The following ANKRD30B variants were observed in gnomAD, a reference collection of about 807,000 sequenced individuals.
ANKRD30B encodes the protein ankyrin repeat domain 30B, also known as ankyrin repeat domain-containing protein 30B.
ANKRD30B carries 144 observed loss-of-function variants against 202.2 expected under a neutral mutation model. The observed-to-expected ratio is 0.71, with a 90% CI of 0.62 to 0.82. The LOEUF is 0.82. Among genes scored for constraint, ANKRD30B ranks in the 40% least tolerant of loss-of-function variants. The pLI is 0.00. For missense variants in ANKRD30B, 1,487 were observed against 1,669.1 expected, an observed-to-expected ratio of 0.89 and a Z score of 1.90; for synonymous variants, 508 against 561.3, an observed-to-expected ratio of 0.91 and a Z score of 1.34.
At chr18:14,832,541 A>T (rs1242107357) in intron 34 of ANKRD30B, among the ~76,000 whole-genome samples, 2 of 152,222 alleles carry the variant, frequency 1.3e-5, no homozygotes, top group Non-Finnish European at 2.9e-5. Flanking sequence ...ACTATGAGAT[A>T]CTGCAGGTTA....
chr18:14,856,186 A>T (rs568072789), downstream of ANKRD30B, among the ~76,000 whole-genome samples: 158 of 144,880 alleles, frequency 1.1e-3, 2 homozygotes, highest in African/African-American at 3.7e-3. Context: ...CTCACTTCCC[A>T]GATGGTGTGT....
chr18:14,793,914 G>C (rs1446764862), intron 16 of ANKRD30B, among the ~76,000 whole-genome samples: 3 of 151,744 alleles, frequency 2.0e-5, no homozygotes, highest in African/African-American at 7.3e-5. Context: ...AAAAATCATA[G>C]TGTGCATTTT....
At chr18:14,790,910 T>C (rs1053802339) in intron 15 of ANKRD30B, among the ~76,000 whole-genome samples, 9 of 152,122 alleles carry the variant, frequency 5.9e-5, no homozygotes, top group African/African-American at 2.2e-4. Context: ...CCTCATAAAA[T>C]GAGTTAGGGA....
chr18:14,867,139 G>C, the ANKRD30B span, among the ~76,000 whole-genome samples: 2 of 137,926 alleles, frequency 1.5e-5, no homozygotes, highest in East Asian at 2.7e-4. Flanking sequence ...TGGTCCGGGT[G>C]GGGGGCGGGT....
rs1969706334 is a variant in ANKRD30B at position 14,808,616 on chromosome 18, A to G, written c.2313+37A>G. The stretch of plus-strand genomic sequence containing the variant: ...TATATTTCTATGTTGAATATTAACT[A>G]CATATTTTTGAAGTATACATTATAT... On this transcript the variant is annotated intron_variant, in intron 25 of 43. Transcript: ENST00000690538. The G allele has an allele frequency of 1.9e-6, 3 of 1,572,416 alleles. 1 individual carries two copies. Among genetic ancestry groups the G allele is most frequent in the South Asian group, 2.3e-5 (2 of 87,012 alleles).
At chr18:14,888,495 T>A in the ANKRD30B span, among the ~76,000 whole-genome samples, 1 of 152,074 alleles carries the variant, frequency 6.6e-6, no homozygotes, top group South Asian at 2.1e-4. Flanking sequence ...AGTTACTAAA[T>A]CTGATTTTTG....
chr18:14,848,149 T>A (rs1158179090), intron 39 of ANKRD30B, among the ~76,000 whole-genome samples: 1 of 152,162 alleles, frequency 6.6e-6, no homozygotes, highest in Admixed American at 6.5e-5. Context: ...AGGTTTGCTT[T>A]CCACTTTTTT....
chr18:14,892,606 G>T, the ANKRD30B span, among the ~76,000 whole-genome samples: 6 of 151,966 alleles, frequency 3.9e-5, no homozygotes, highest in Non-Finnish European at 2.9e-5. Context: ...CGGGTGTGGT[G>T]GTGGGTGCCT....
At chr18:14,935,914 A>T in the ANKRD30B span, among the ~76,000 whole-genome samples, 1 of 152,358 alleles carries the variant, frequency 6.6e-6, no homozygotes, top group Admixed American at 6.5e-5. Flanking sequence ...CTGTACACAC[A>T]GCTCCTTTCC....
chr18:14,927,074 A>T, the ANKRD30B span, among the ~76,000 whole-genome samples: 1 of 152,114 alleles, frequency 6.6e-6, no homozygotes, highest in Non-Finnish European at 1.5e-5. Flanking sequence ...TTTTTACAAT[A>T]AGAAGTACTC....
At chr18:14,843,482 T>C (rs1162317065) in intron 39 of ANKRD30B, among the ~76,000 whole-genome samples, 2 of 151,826 alleles carry the variant, frequency 1.3e-5, no homozygotes, top group African/African-American at 4.8e-5. Flanking sequence ...TGTTTTAACA[T>C]TGGTTACCTC....
chr18:14,829,809 T>A (rs935990384), intron 33 of ANKRD30B, among the ~76,000 whole-genome samples: 4 of 152,174 alleles, frequency 2.6e-5, no homozygotes, highest in African/African-American at 9.6e-5. Flanking sequence ...AAATGTCCTA[T>A]TCTGTTCTTT....
chr18:14,901,090 A>G, the ANKRD30B span, among the ~76,000 whole-genome samples: 8 of 152,318 alleles, frequency 5.3e-5, no homozygotes, highest in Admixed American at 1.3e-4. Context: ...CTAAATAACC[A>G]CTGAAAGAGT....
intron 6 of ANKRD30B, among the ~76,000 whole-genome samples, chr18:14,762,281 A>G (rs1030811963): frequency 6.6e-6 from 1 of 152,224 alleles, no homozygotes; most frequent in African/African-American, 2.4e-5. Flanking sequence ...ACTGTGTGAC[A>G]AAGTGACTTG....
Position 14,796,532 on chromosome 18 carries a change from A to T in ANKRD30B, c.1927+117A>T, listed in dbSNP as rs1204016078. The T allele has an allele frequency of 9.7e-6, 12 of 1,238,434 alleles. No homozygotes were observed. In the East Asian group the frequency reaches 1.8e-4, roughly 19 times the overall value. The allele number at this position is 1,238,434 out of a possible 1,614,324, so 76.7% of individuals were successfully genotyped here. On this transcript the variant is annotated intron_variant, in intron 18 of 43. Transcript: ENST00000690538. ...TTGAAAATTTGGTGGGAAAATTTGA[A>T]ACAAATAATGCCAATGTTAGCATTT...
intron 6 of ANKRD30B, among the ~76,000 whole-genome samples, chr18:14,763,000 A>C (rs2143724365): frequency 6.6e-6 from 1 of 152,070 alleles, no homozygotes; most frequent in Admixed American, 6.5e-5. Context: ...TTAACAAATA[A>C]CTGTCAGGTA....
chr18:14,906,041 A>T, the ANKRD30B span, among the ~76,000 whole-genome samples: 2 of 145,922 alleles, frequency 1.4e-5, no homozygotes, highest in Non-Finnish European at 3.0e-5. Context: ...GGGCTTAGAG[A>T]TTTTTTTTTT....
chr18:14,940,459 G>T, the ANKRD30B span, among the ~76,000 whole-genome samples: 1 of 152,174 alleles, frequency 6.6e-6, no homozygotes, highest in African/African-American at 2.4e-5. Flanking sequence ...CAGCAAGTCA[G>T]GCATGTGGGA....
chr18:14,924,531 G>A, the ANKRD30B span, among the ~76,000 whole-genome samples: 1 of 152,204 alleles, frequency 6.6e-6, no homozygotes, highest in African/African-American at 2.4e-5. Flanking sequence ...TCTCAAGGGG[G>A]ACTGTCATGA....
Sources: allele counts gnomAD v4.1 joint callset (sites outside exome capture counted in the v4.1 genomes callset), GRCh38; gene constraint gnomAD v4.1.1; transcripts MANE v1.5; gene names NCBI Gene and HGNC (gene_info 2026-07-23, HGNC 2026-07-21).